BUB1B: variants seen among roughly 807,000 people sequenced by gnomAD.
BUB1B encodes mitotic checkpoint serine/threonine-protein kinase BUB1 beta.
BUB1B carries 86 observed loss-of-function variants against 137.7 expected under a neutral mutation model. The ratio of observed to expected loss-of-function variants is 0.62; its 90% confidence interval spans 0.52 to 0.75. The LOEUF is 0.75. Ranked by LOEUF, BUB1B falls within the 30% of genes least tolerant of loss-of-function variation. The pLI is 0.00. For synonymous variants in BUB1B, 420 were observed against 417.9 expected, an observed-to-expected ratio of 1.00 and a Z score of -0.06; for missense variants, 1,130 against 1,236.9, an observed-to-expected ratio of 0.91 and a Z score of 1.30.
At position 40,210,176 on chromosome 15, in the gene BUB1B, C is replaced by T. The variant is rs142705245; in HGVS notation, c.2351C>T (p.Ala784Val). 2.5e-5 allele frequency: 41 copies of T among 1,610,788 alleles called. No homozygotes were observed. In the African/African-American group the frequency reaches 3.3e-4, roughly 13 times the overall value. ...ICEDYKLFWV[A>V]PRNSAELTVI... ...GAAGATTACAAGTTATTCTGGGTGGCGCCAAGAAACTCTGCAGAATTAACA... is the reference window on the plus strand; with the variant it reads ...GAAGATTACAAGTTATTCTGGGTGGTGCCAAGAAACTCTGCAGAATTAACA... The change falls in exon 18 of 23, where the codon GCG (alanine) becomes GTG (valine). Residue 784 changes from alanine to valine, a missense_variant. Coordinates refer to ENST00000287598, the MANE Select transcript of BUB1B (RefSeq NM_001211.6).
At chr15:40,195,003 A>ATAG (rs986318007) in intron 8 of BUB1B, among the ~76,000 whole-genome samples, 5 of 152,070 alleles carry the variant, frequency 3.3e-5, no homozygotes, top group Non-Finnish European at 2.9e-5. Flanking sequence ...TTACATTTCA[A>ATAG]TAGGTTTTGG....
chr15:40,201,026 T>G (rs952373294), intron 12 of BUB1B, 46 bp downstream of exon 12: 1 of 1,530,504 alleles, frequency 6.5e-7, no homozygotes, highest in Non-Finnish European at 9.0e-7. Flanking sequence ...TGATAACAAA[T>G]GTATTATGTA....
At chr15:40,185,828 A>G (rs1182195283) in intron 8 of BUB1B, among the ~76,000 whole-genome samples, 186 bp downstream of exon 8, 1 of 152,162 alleles carries the variant, frequency 6.6e-6, no homozygotes, top group Non-Finnish European at 1.5e-5. Flanking sequence ...GGTGTTCAAG[A>G]CCAGCCTGGG....
intron 7 of BUB1B, 46 bp downstream of exon 7, chr15:40,185,425 C>G: frequency 6.2e-7 from 1 of 1,603,640 alleles, no homozygotes; most frequent in Non-Finnish European, 8.5e-7. Context: ...ACAAAGACTT[C>G]ACATTTAGGG....
chr15:40,214,829 C>G (rs2037754917), intron 20 of BUB1B, among the ~76,000 whole-genome samples: 1 of 151,042 alleles, frequency 6.6e-6, no homozygotes, highest in South Asian at 2.1e-4. Context: ...TTTTATATTC[C>G]TATTCCCCCC....
intron 8 of BUB1B, among the ~76,000 whole-genome samples, chr15:40,190,447 A>G (rs553643399): frequency 4.6e-5 from 7 of 151,982 alleles, no homozygotes; most frequent in Admixed American, 2.6e-4. Flanking sequence ...CCCCATCTCT[A>G]CTAAAAATAA....
chr15:40,195,053 C>T (rs186716016), intron 8 of BUB1B, among the ~76,000 whole-genome samples: 44 of 152,100 alleles, frequency 2.9e-4, no homozygotes, highest in East Asian at 2.5e-3. Context: ...AGTTACTTAG[C>T]GGTTATTTCT....
intron 1 of BUB1B, among the ~76,000 whole-genome samples, chr15:40,162,215 G>C (rs2037050195): frequency 6.6e-6 from 1 of 152,214 alleles, no homozygotes; most frequent in Admixed American, 6.5e-5. Context: ...AGAGTACAAA[G>C]GCTGAGGGTG....
chr15:40,183,535 C>T (rs1172192202), intron 5 of BUB1B, among the ~76,000 whole-genome samples, 179 bp from the exon 6 acceptor site: 1 of 152,184 alleles, frequency 6.6e-6, no homozygotes, highest in Non-Finnish European at 1.5e-5. Flanking sequence ...CTAGCCAAAA[C>T]TTTTCATGAT....
chr15:40,200,734 C>T (rs534808963), intron 11 of BUB1B, among the ~76,000 whole-genome samples, 197 bp from the exon 12 acceptor site: 22 of 152,280 alleles, frequency 1.4e-4, no homozygotes, highest in Middle Eastern at 3.4e-3. Flanking sequence ...TGCAACTTGA[C>T]ATCTATTATC....
Position 40,183,757 on chromosome 15 carries a change from G to T in BUB1B, c.625G>T (p.Glu209Ter). ...GTCTCGGCAAACTCTGTTGGCACTT[G>T]AGAAAGAAGAAGAGGAGGAAGTTTT... is the stretch of plus-strand genomic sequence containing the variant. Reference protein sequence around the residue: ...RVSRQTLLALEKEEEEEVFES... With the variant: ...RVSRQTLLAL The change falls in exon 6 of 23, where the codon GAG becomes TAG. Residue 209 changes from glutamate (E) to a stop codon, truncating the protein, a stop_gained. Transcript: ENST00000287598. LOFTEE classifies it high-confidence loss of function. 1 of 1,614,102 alleles carries T rather than the reference G, an allele frequency of 6.2e-7. No individual in the cohort carries two copies. Among genetic ancestry groups the T allele is most frequent in the South Asian group, 1.1e-5 (1 of 91,062 alleles).
intron 8 of BUB1B, among the ~76,000 whole-genome samples, chr15:40,192,727 T>C (rs2037451847): frequency 6.6e-6 from 1 of 152,232 alleles, no homozygotes; most frequent in African/African-American, 2.4e-5. Context: ...AATACCTCAT[T>C]TATAGTGCTG....
chr15:40,176,025 TG>T (rs1297533133), intron 4 of BUB1B, among the ~76,000 whole-genome samples: 1 of 152,102 alleles, frequency 6.6e-6, no homozygotes, highest in Non-Finnish European at 1.5e-5. Flanking sequence ...CATAGTTCAC[TG>T]CAGCCTCAAA....
intron 17 of BUB1B, 44 bp downstream of exon 17, chr15:40,209,819 C>A (rs1395520038): frequency 6.2e-7 from 1 of 1,606,466 alleles, no homozygotes; most frequent in Admixed American, 1.7e-5. Flanking sequence ...TGACAGTATA[C>A]AAATAAGTGA....
chr15:40,207,378 C>T (rs975989803), intron 15 of BUB1B, among the ~76,000 whole-genome samples: 1 of 151,658 alleles, frequency 6.6e-6, no homozygotes, highest in Non-Finnish European at 1.5e-5. Flanking sequence ...CTGAGGGAGG[C>T]GGATCATTTC....
At chr15:40,216,266 C>T (rs2140910025) in intron 20 of BUB1B, among the ~76,000 whole-genome samples, 1 of 152,080 alleles carries the variant, frequency 6.6e-6, no homozygotes, top group Middle Eastern at 3.4e-3. Context: ...AATGAGACCT[C>T]ATCTCTACAA....
chr15:40,176,410 G>C (rs2037223585), intron 4 of BUB1B, 67 bp from the exon 5 acceptor site: 1 of 1,371,074 alleles, frequency 7.3e-7, no homozygotes, highest in Non-Finnish European at 1.0e-6. Context: ...TCCAGTGATT[G>C]TTTGGCAACT....
chr15:40,212,886 C>G (rs1260349693), intron 19 of BUB1B, among the ~76,000 whole-genome samples: 1 of 152,136 alleles, frequency 6.6e-6, no homozygotes, highest in African/African-American at 2.4e-5. Context: ...AATGAACTCC[C>G]ATGAACTAGT....
At chr15:40,206,140 G>A (rs776975257) in intron 14 of BUB1B, 44 bp from the exon 15 acceptor site, 17 of 1,604,680 alleles carry the variant, frequency 1.1e-5, no homozygotes, top group Non-Finnish European at 1.4e-5. Context: ...AGTTCTTCAT[G>A]TATTGAAATA....
Sources: gnomAD v4.1 joint callset for allele counts (sites outside exome capture counted in the v4.1 genomes callset) on GRCh38, gnomAD v4.1.1 for gene constraint, MANE v1.5 for transcripts, NCBI Gene and HGNC (gene_info 2026-07-23, HGNC 2026-07-21) for gene names.